P4HA1: variants seen among roughly 807,000 people sequenced by gnomAD.
P4HA1 encodes the protein prolyl 4-hydroxylase subunit alpha-1.
P4HA1 carries 24 observed loss-of-function variants against 72.8 expected under a neutral mutation model. The ratio of observed to expected loss-of-function variants is 0.33; its 90% CI spans 0.24 to 0.46. The LOEUF (loss-of-function observed/expected upper bound fraction) is 0.46, where lower values mean the gene tolerates loss of function less well. P4HA1 is among the 20% of genes least tolerant of loss of function. The pLI, the probability that P4HA1 is intolerant of heterozygous loss-of-function variation, is 1.00. For synonymous variants in P4HA1, 201 were observed against 218.8 expected (o/e 0.92, Z 0.72); for missense variants, 446 against 640.6 (o/e 0.70, Z 3.28).
chr10:73,071,736 A>C (rs1178673620), intron 4 of P4HA1, among the ~76,000 whole-genome samples: 1 of 152,098 alleles, frequency 6.6e-6, no homozygotes, highest in Non-Finnish European at 1.5e-5. Flanking sequence ...TTAAAGTTTG[A>C]AGGTAATCCT....
intron 5 of P4HA1, among the ~76,000 whole-genome samples, 182 bp from the exon 6 acceptor site, chr10:73,053,772 C>A (rs1028832110): frequency 6.6e-6 from 1 of 152,062 alleles, no homozygotes; most frequent in African/African-American, 2.4e-5. Flanking sequence ...TGTAGATAAA[C>A]AAGAATCACA....
In P4HA1 at chr10:73,046,994, A is replaced by T; in HGVS notation, c.1008T>A (p.Arg336=). The change falls in exon 8 of 15, where the codon CGT becomes CGA. Residue 336 remains arginine, a synonymous_variant. Coordinates refer to ENST00000394890, the MANE Select transcript of P4HA1 (RefSeq NM_001017962.3). ...AAATAATATCATGGAAGCGAATAATACGAGGCTTGTCCCATTCATCCTCCT... is the reference window on the plus strand; with the variant it reads ...AAATAATATCATGGAAGCGAATAATTCGAGGCTTGTCCCATTCATCCTCCT... ...AKQEDEWDKP[R]IIRFHDIISD... 6.2e-7 allele frequency: 1 copy of T among 1,613,320 alleles called. No homozygotes were observed. Among genetic ancestry groups the T allele is most frequent in the Non-Finnish European group, 8.5e-7 (1 of 1,179,286 alleles).
chr10:73,038,649 C>T (rs1331904740), intron 9 of P4HA1, among the ~76,000 whole-genome samples: 4 of 77,900 alleles, frequency 5.1e-5, no homozygotes, highest in African/African-American at 2.6e-4. Flanking sequence ...TTTTTTGAGA[C>T]GGAGTCTCGC....
chr10:73,094,670 GC>G (rs1197668183), intron 1 of P4HA1, among the ~76,000 whole-genome samples: 7 of 152,274 alleles, frequency 4.6e-5, no homozygotes, highest in Non-Finnish European at 8.8e-5. Context: ...TGGAATAAAT[GC>G]CGTTTGAACT....
chr10:73,035,027 C>T (rs901816834), intron 9 of P4HA1, among the ~76,000 whole-genome samples: 2 of 152,052 alleles, frequency 1.3e-5, no homozygotes, highest in African/African-American at 4.8e-5. Flanking sequence ...TGCTTCTAAC[C>T]TTGGGCTATA....
intron 10 of P4HA1, among the ~76,000 whole-genome samples, chr10:73,028,532 AGCAAT>A (rs758325910): frequency 6.6e-6 from 1 of 152,068 alleles, no homozygotes; most frequent in Non-Finnish European, 1.5e-5. Flanking sequence ...CCTGGGTTCA[AGCAAT>A]TCTCCTACCT....
intron 1 of P4HA1, among the ~76,000 whole-genome samples, chr10:73,077,848 G>A (rs1841735621): frequency 6.6e-6 from 1 of 151,264 alleles, no homozygotes; most frequent in Non-Finnish European, 1.5e-5. Flanking sequence ...AATTAGCTGG[G>A]TACGGTGGCA....
intron 9 of P4HA1, among the ~76,000 whole-genome samples, chr10:73,043,352 A>G (rs1840781325): frequency 6.6e-6 from 1 of 152,232 alleles, no homozygotes; most frequent in Admixed American, 6.5e-5. Flanking sequence ...AAGGAGTTCT[A>G]TTGTAATACT....
chr10:73,037,553 A>T (rs1175493182), intron 9 of P4HA1, among the ~76,000 whole-genome samples: 7 of 32,208 alleles, frequency 2.2e-4, no homozygotes, highest in Non-Finnish European at 3.4e-4. Flanking sequence ...ATATATATAT[A>T]TATATATATA....
intron 2 of P4HA1, 31 bp downstream of exon 2, chr10:73,074,777 C>A: frequency 1.7e-6 from 2 of 1,196,056 alleles, no homozygotes; most frequent in Non-Finnish European, 2.5e-6. Context: ...AAATGCAAAA[C>A]CAACAAAAAA....
rs568771130 is a variant in P4HA1, at chr10:73,013,704, A to ATG, written c.1368+518_1368+519dup. Among the ~76,000 whole-genome samples the ATG allele has an allele frequency of 1.6e-4, 24 of 152,350 alleles. No homozygotes were observed. In the South Asian group the frequency reaches 5.0e-3, roughly 32 times the overall value. ...TATAAACAATTTTAAAAATTGAATT[A>ATG]TGATCATACTGTTTTAAAACTCTGA... On this transcript the variant is annotated intron_variant, in intron 12 of 14. Transcript: ENST00000394890.
chr10:73,014,834 T>TA (rs1300877690), intron 11 of P4HA1, among the ~76,000 whole-genome samples: 1 of 148,972 alleles, frequency 6.7e-6, no homozygotes, highest in Non-Finnish European at 1.5e-5. Flanking sequence ...CTTTTTTCTT[T>TA]TTTTTTTTTT....
intron 10 of P4HA1, among the ~76,000 whole-genome samples, chr10:73,028,550 G>C (rs1234128577): frequency 6.6e-6 from 1 of 151,960 alleles, no homozygotes; most frequent in Non-Finnish European, 1.5e-5. Flanking sequence ...TCCTACCTCA[G>C]CCTGCCGAGT....
intron 14 of P4HA1, 68 bp downstream of exon 14, chr10:73,009,739 C>T: frequency 2.2e-6 from 2 of 889,844 alleles, no homozygotes; most frequent in Non-Finnish European, 3.7e-6. Context: ...GTTTTTAAGA[C>T]ACAGATAATA....
chr10:73,057,741 A>C (rs1378163065), intron 5 of P4HA1, among the ~76,000 whole-genome samples: 1 of 152,168 alleles, frequency 6.6e-6, no homozygotes, highest in Non-Finnish European at 1.5e-5. Flanking sequence ...CCAAAAGGAA[A>C]GTCTGAGGTA....
chr10:73,075,009 T>C (rs2133137511), intron 1 of P4HA1, 94 bp from the exon 2 acceptor site: 1 of 571,624 alleles, frequency 1.7e-6, no homozygotes, highest in East Asian at 3.0e-5. Flanking sequence ...AAGTAAAAGA[T>C]TCCAAGGTTG....
intron 5 of P4HA1, among the ~76,000 whole-genome samples, chr10:73,061,654 T>C (rs1841316899): frequency 6.6e-6 from 1 of 152,178 alleles, no homozygotes; most frequent in Non-Finnish European, 1.5e-5. Flanking sequence ...TAGTCCCAGC[T>C]ACTTGGGAGG....
intron 14 of P4HA1, among the ~76,000 whole-genome samples, chr10:73,009,174 G>A (rs892364081): frequency 7.2e-5 from 11 of 152,176 alleles, no homozygotes; most frequent in African/African-American, 2.7e-4. Context: ...GTAATGTCCT[G>A]TATGTAACCA....
chr10:73,054,826 T>C (rs1380539395), intron 5 of P4HA1, among the ~76,000 whole-genome samples: 1 of 152,214 alleles, frequency 6.6e-6, no homozygotes, highest in Non-Finnish European at 1.5e-5. Context: ...GTGGTTTTGA[T>C]TTGCATTTCC....
Sources: allele counts gnomAD v4.1 joint callset (sites outside exome capture counted in the v4.1 genomes callset), GRCh38; gene constraint gnomAD v4.1.1; transcripts MANE v1.5; gene names NCBI Gene and HGNC (gene_info 2026-07-23, HGNC 2026-07-21).